ETNK1: variants seen among roughly 807,000 people sequenced by gnomAD.
ETNK1 encodes ethanolamine kinase 1, also known as putative protein product of Nbla10396.
ETNK1 carries 8 observed loss-of-function variants against 45.1 expected under a neutral mutation model. That is an observed-to-expected ratio of 0.18 (90% CI 0.10 to 0.32). The LOEUF (loss-of-function observed/expected upper bound fraction) is 0.32. Ranked by LOEUF, ETNK1 falls within the 10% of genes least tolerant of loss-of-function variation. ETNK1 has a pLI of 1.00. For missense variants in ETNK1, 302 were observed against 430.6 expected (o/e 0.70, Z 2.64); for synonymous variants, 152 against 151.9 (o/e 1.00, Z -0.01).
Position 22,625,319 on chromosome 12 carries a change from C to A in ETNK1, c.-112C>A, listed in dbSNP as rs1025256571. ...GCCCGCCCGTCCCAGCGCCCCCAGC[C>A]CTCCCGCGAGGGCGCCCCGGGACGG... On this transcript the variant is annotated 5_prime_UTR_variant, in exon 1 of 8. Coordinates refer to ENST00000266517, the MANE Select transcript of ETNK1 (RefSeq NM_018638.5). 6.2e-7 allele frequency: 1 copy of A among 1,600,586 alleles called. No homozygotes were observed. Among genetic ancestry groups the A allele is most frequent in the Middle Eastern group, 1.7e-4 (1 of 6,020 alleles).
At chr12:22,673,716 C>G in intron 6 of ETNK1, 56 bp downstream of exon 6, 1 of 1,476,262 alleles carries the variant, frequency 6.8e-7, no homozygotes. Flanking sequence ...GAAAATGCTT[C>G]TAAATTTTCG....
At chr12:22,647,176 TTTAGAAATTTTTTCAAATTTC>T (rs1475421094) in intron 2 of ETNK1, among the ~76,000 whole-genome samples, 5 of 151,896 alleles carry the variant, frequency 3.3e-5, no homozygotes, top group Non-Finnish European at 5.9e-5. Context: ...TTCAAAAGTG[TTTAGAAATTTTTTCAAATTTC>T]TTATCAGATA....
At position 22,630,757 on chromosome 12, in the gene ETNK1, T is replaced by G. The variant is rs111416376; in HGVS notation, c.156+5171T>G. 9.9e-3 allele frequency among the ~76,000 whole-genome samples: 1,508 copies of G among 151,944 alleles called. 23 individuals are homozygous for G. Among genetic ancestry groups the G allele is most frequent in the African/African-American group, 0.035 (1,450 of 41,406 alleles). ...ACCCAAGTAGCTTGGATTACAGATG[T>G]GCGCCACCATGCTCAGCTAATTTTT... On this transcript the variant is annotated intron_variant, in intron 1 of 7. Coordinates refer to ENST00000266517, the MANE Select transcript of ETNK1 (RefSeq NM_018638.5).
intron 3 of ETNK1, among the ~76,000 whole-genome samples, chr12:22,659,611 T>G (rs888276513): frequency 5.1e-4 from 77 of 152,302 alleles, no homozygotes; most frequent in African/African-American, 1.6e-3. Flanking sequence ...AACTGTTTCC[T>G]TATCTATAAA....
intron 1 of ETNK1, among the ~76,000 whole-genome samples, chr12:22,636,677 GA>G (rs957273368): frequency 2.6e-5 from 4 of 151,600 alleles, no homozygotes; most frequent in Non-Finnish European, 4.4e-5. Flanking sequence ...AATATTAAGA[GA>G]AAAAAAAGAT....
chr12:22,659,223 A>G, intron 3 of ETNK1, 69 bp downstream of exon 3: 4 of 1,435,754 alleles, frequency 2.8e-6, no homozygotes, highest in Non-Finnish European at 3.8e-6. Flanking sequence ...TTCAAAGGTA[A>G]TTGTAAAGTT....
At chr12:22,680,245 C>G (rs1206047978) in intron 6 of ETNK1, among the ~76,000 whole-genome samples, 1 of 152,152 alleles carries the variant, frequency 6.6e-6, no homozygotes, top group East Asian at 1.9e-4. Context: ...AGGACTGAAT[C>G]TCTTGCCAAC....
intron 2 of ETNK1, among the ~76,000 whole-genome samples, chr12:22,654,533 T>C (rs774359676): frequency 6.6e-6 from 1 of 152,222 alleles, no homozygotes; most frequent in Non-Finnish European, 1.5e-5. Flanking sequence ...TCTGGTCTTA[T>C]GGTGAATTTC....
At chr12:22,684,628 G>A (rs1483646390) in intron 7 of ETNK1, 72 bp downstream of exon 7, 2 of 1,031,174 alleles carry the variant, frequency 1.9e-6, no homozygotes, top group Admixed American at 2.2e-5. Context: ...AATTCACAGG[G>A]AATATTGTAG....
intron 2 of ETNK1, 145 bp downstream of exon 2, chr12:22,644,167 T>C (rs1451385866): frequency 6.5e-7 from 1 of 1,536,518 alleles, no homozygotes; most frequent in Non-Finnish European, 8.8e-7. Flanking sequence ...TTTTTGTTCT[T>C]GTTTTCCCTA....
intron 6 of ETNK1, among the ~76,000 whole-genome samples, chr12:22,683,180 A>G (rs1261264385): frequency 1.3e-5 from 2 of 152,126 alleles, no homozygotes; most frequent in Non-Finnish European, 1.5e-5. Flanking sequence ...CTTCATGTGC[A>G]AGTGACTTTA....
At position 22,661,076 on chromosome 12, in the gene ETNK1, ATCCCAAGCTC is replaced by A; in HGVS notation, c.574_583del (p.Pro192ArgfsTer7). ...TAAAACTAAAAGGTTCCTAAGTGAT[ATCCCAAGCTC>A]TCAGATTCTCCAGGAAGAGATGACT... On this transcript the variant is annotated frameshift_variant, in exon 4 of 8. Coordinates refer to ENST00000266517, the MANE Select transcript of ETNK1 (RefSeq NM_018638.5). LOFTEE classifies it high-confidence loss of function. The A allele has an allele frequency of 1.2e-6, 2 of 1,609,296 alleles. No individual in the cohort carries two copies. The highest frequency in any genetic ancestry group is 1.7e-6 in the Non-Finnish European group (2 of 1,178,792).
Position 22,671,249 on chromosome 12 carries a change from CTTTG to C in ETNK1, c.701-19_701-16del. 6.7e-7 allele frequency: 1 copy of C among 1,482,088 alleles called. No individual in the cohort carries two copies. The highest frequency in any genetic ancestry group is 9.4e-7 in the Non-Finnish European group (1 of 1,061,920). The allele number at this position is 1,482,088 out of a possible 1,614,324, so 91.8% of individuals were successfully genotyped here. The stretch of plus-strand genomic sequence containing the variant: ...GATCTTATATGTGATTTCTTAATGT[CTTTG>C]TTTTTGTGTCTCACATAGGTGATGT... On this transcript the variant is annotated intron_variant, in intron 4 of 7. Transcript: ENST00000266517.
chr12:22,630,721 G>A (rs1217712755), intron 1 of ETNK1, among the ~76,000 whole-genome samples: 2 of 151,306 alleles, frequency 1.3e-5, no homozygotes, highest in Non-Finnish European at 3.0e-5. Context: ...AGTGATTCTC[G>A]TGCCTCAGCC....
intron 1 of ETNK1, among the ~76,000 whole-genome samples, chr12:22,631,119 A>G (rs1178366453): frequency 6.6e-6 from 1 of 152,162 alleles, no homozygotes; most frequent in Non-Finnish European, 1.5e-5. Context: ...GATGAGTTAG[A>G]ATAAGTTATG....
At chr12:22,626,328 C>A (rs1448083896) in intron 1 of ETNK1, 4 of 152,446 alleles carry the variant, frequency 2.6e-5, no homozygotes, top group Non-Finnish European at 5.9e-5. Context: ...GTTATGATTT[C>A]CACTACGTGA....
chr12:22,666,443 T>C (rs968582181), intron 4 of ETNK1, among the ~76,000 whole-genome samples: 2 of 152,160 alleles, frequency 1.3e-5, no homozygotes, highest in African/African-American at 2.4e-5. Context: ...TATGACTAAC[T>C]TCAAATCTAA....
intron 1 of ETNK1, among the ~76,000 whole-genome samples, chr12:22,641,928 G>A (rs1953743912): frequency 6.6e-6 from 1 of 152,086 alleles, no homozygotes; most frequent in Non-Finnish European, 1.5e-5. Flanking sequence ...TTTGTATTGA[G>A]TAATCATATC....
At chr12:22,652,698 G>A (rs371854196) in intron 2 of ETNK1, among the ~76,000 whole-genome samples, 6 of 152,100 alleles carry the variant, frequency 3.9e-5, no homozygotes, top group African/African-American at 1.4e-4. Context: ...TGTAATTTTT[G>A]TTGTTGAGTT....
Sources: gnomAD v4.1 joint callset for allele counts (sites outside exome capture counted in the v4.1 genomes callset) on GRCh38, gnomAD v4.1.1 for gene constraint, MANE v1.5 for transcripts, NCBI Gene and HGNC (gene_info 2026-07-23, HGNC 2026-07-21) for gene names.